RHPN2: variants seen among roughly 807,000 people sequenced by gnomAD.
RHPN2 encodes rhophilin-2.
In RHPN2, 40 loss-of-function variants were observed where a neutral mutation model predicts 79.0. That is an observed-to-expected ratio of 0.51 (90% confidence interval 0.39 to 0.66). The LOEUF is 0.66. Ranked by LOEUF, RHPN2 falls within the 30% of genes least tolerant of loss-of-function variation. The probability of loss-of-function intolerance (pLI) is 0.00; values close to 1 mark genes in which losing one functional copy is unlikely to be tolerated. For missense variants in RHPN2, 686 were observed against 883.5 expected (o/e 0.78, Z 2.83); for synonymous variants, 285 against 363.5 (o/e 0.78, Z 2.46).
chr19:33,061,122 T>TG (rs894722749), intron 1 of RHPN2, among the ~76,000 whole-genome samples: 83 of 151,884 alleles, frequency 5.5e-4, no homozygotes, highest in Non-Finnish European at 1.0e-3. Flanking sequence ...CTCCACACCC[T>TG]GGGGGGGCCT....
At chr19:33,031,457 C>T (rs767309947) in intron 2 of RHPN2, among the ~76,000 whole-genome samples, 2 of 152,050 alleles carry the variant, frequency 1.3e-5, no homozygotes, top group East Asian at 3.9e-4. Flanking sequence ...GTTGCCCAGT[C>T]CAGTCTCCAA....
intron 14 of RHPN2, among the ~76,000 whole-genome samples, chr19:32,990,168 C>CGAAAGAAA (rs1568309580): frequency 6.7e-6 from 1 of 150,082 alleles, no homozygotes; most frequent in African/African-American, 2.4e-5. Context: ...AAAGAAAGAG[C>CGAAAGAAA]GAGCCAGGGG....
intron 1 of RHPN2, among the ~76,000 whole-genome samples, chr19:33,046,509 C>T (rs1014312606): frequency 6.6e-6 from 1 of 151,920 alleles, no homozygotes; most frequent in Non-Finnish European, 1.5e-5. Flanking sequence ...TCAAGTGATC[C>T]GCTTGGCTTG....
chr19:33,018,594 C>G (rs1971896877), intron 4 of RHPN2, among the ~76,000 whole-genome samples: 1 of 152,134 alleles, frequency 6.6e-6, no homozygotes, highest in Non-Finnish European at 1.5e-5. Flanking sequence ...CTGAAACATT[C>G]AGAATACCAA....
At chr19:33,057,611 G>A (rs2145273363) in intron 1 of RHPN2, among the ~76,000 whole-genome samples, 1 of 151,756 alleles carries the variant, frequency 6.6e-6, no homozygotes, top group African/African-American at 2.4e-5. Flanking sequence ...AGGAGGCAGA[G>A]GCTGTGGTGA....
At chr19:33,060,290 T>C (rs781157275) in intron 1 of RHPN2, among the ~76,000 whole-genome samples, 1 of 151,988 alleles carries the variant, frequency 6.6e-6, no homozygotes, top group Non-Finnish European at 1.5e-5. Flanking sequence ...GGACCATAGC[T>C]GGGTGCCACC....
At chr19:33,050,283 C>T (rs1350063667) in intron 1 of RHPN2, among the ~76,000 whole-genome samples, 2 of 152,130 alleles carry the variant, frequency 1.3e-5, no homozygotes, top group East Asian at 1.9e-4. Context: ...ACAGATTTGG[C>T]GATGTCATCT....
chr19:33,059,683 C>T (rs7245404), intron 1 of RHPN2, among the ~76,000 whole-genome samples: 62,603 of 151,898 alleles, frequency 0.41, 16,329 homozygotes, highest in African/African-American at 0.73. Context: ...CTTTCTCCAG[C>T]AATATCTTCC....
chr19:33,021,338 C>T (rs1277824573), intron 4 of RHPN2, among the ~76,000 whole-genome samples: 1 of 152,162 alleles, frequency 6.6e-6, no homozygotes, highest in Non-Finnish European at 1.5e-5. Context: ...GCAAGGGATA[C>T]ATATTTTCTC....
chr19:33,022,117 A>G (rs1568318354), intron 3 of RHPN2, among the ~76,000 whole-genome samples: 1 of 148,598 alleles, frequency 6.7e-6, no homozygotes, highest in Non-Finnish European at 1.5e-5. Flanking sequence ...ATTTTTGTAT[A>G]TTTTTTTAGT....
chr19:32,989,978 G>A (rs796644189), intron 14 of RHPN2, among the ~76,000 whole-genome samples: 23 of 152,200 alleles, frequency 1.5e-4, no homozygotes, highest in East Asian at 7.7e-4. Flanking sequence ...GTTGGCAGGC[G>A]CCTGTAGTCC....
At chr19:33,012,235 T>C (rs1189879993) in intron 5 of RHPN2, among the ~76,000 whole-genome samples, 1 of 151,906 alleles carries the variant, frequency 6.6e-6, no homozygotes, top group East Asian at 1.9e-4. Context: ...AGAAACAGGG[T>C]TTTGCCATGT....
intron 4 of RHPN2, among the ~76,000 whole-genome samples, chr19:33,017,703 TAA>T (rs758409340): frequency 4.5e-4 from 44 of 98,110 alleles, no homozygotes; most frequent in Middle Eastern, 5.6e-3. Context: ...CCCCATCTCT[TAA>T]AAAAAAAAAA....
intron 4 of RHPN2, among the ~76,000 whole-genome samples, chr19:33,013,042 ATTG>A (rs373013066): frequency 1.3e-4 from 19 of 151,538 alleles, no homozygotes; most frequent in Admixed American, 2.6e-4. Context: ...TGTCTGGCTA[ATTG>A]TTGTATTTTT....
In RHPN2 at chr19:33,002,491, C is replaced by T. The variant is rs1254267018; in HGVS notation, c.949-88G>A. On this transcript the variant is annotated intron_variant, in intron 8 of 14. Transcript: ENST00000254260. ...CAGAGAAAGAGCCCTTTCTTCTTCC[C>T]ATGCAACAGCCCCTGCCAGGGGCTG... is the stretch of plus-strand genomic sequence containing the variant. 4.0e-6 allele frequency: 6 copies of T among 1,517,046 alleles called. No homozygotes were observed. In the Admixed American group the frequency reaches 1.0e-4, roughly 25 times the overall value. 94.0% of individuals were successfully genotyped at this position (1,517,046 alleles called of 1,614,324 possible). A position where few individuals can be genotyped will look rare whatever the true frequency, so the allele number is the denominator to read the frequency against.
intron 2 of RHPN2, among the ~76,000 whole-genome samples, chr19:33,038,178 C>CGG (rs1491208883): frequency 1.9e-4 from 29 of 151,880 alleles, no homozygotes; most frequent in African/African-American, 7.0e-4. Context: ...GGTGAACCCC[C>CGG]TCTCTATTAA....
rs556377568 is a variant in RHPN2 at position 32,995,249 on chromosome 19, T to A, written c.1420+777A>T. ...CACCACACCTGATGAATTTTTTTTT[T>A]AATTTTTTGTAGAGATGGGGTCTCA... On this transcript the variant is annotated intron_variant, in intron 11 of 14. Coordinates refer to ENST00000254260, the MANE Select transcript of RHPN2 (RefSeq NM_033103.5). Among the ~76,000 whole-genome samples the A allele has an allele frequency of 2.4e-3, 372 of 151,976 alleles. 2 individuals carry two copies. The highest frequency in any genetic ancestry group is 6.8e-3 in the African/African-American group (284 of 41,494).
Position 33,047,919 on chromosome 19 carries a change from A to G in RHPN2, c.70-3555T>C, listed in dbSNP as rs1972154944. Among the ~76,000 whole-genome samples, 3 of 152,126 alleles carry G rather than the reference A, an allele frequency of 2.0e-5. No homozygotes were observed. In the South Asian group the frequency reaches 6.2e-4, roughly 32 times the overall value. ...AGAGTGAGACTCTGTCTCTACAAAT[A>G]ATAATAAAAATTTTTAAATAATAAT... On this transcript the variant is annotated intron_variant, in intron 1 of 14. Transcript: ENST00000254260.
intron 3 of RHPN2, among the ~76,000 whole-genome samples, chr19:33,023,013 G>A (rs187825231): frequency 6.6e-6 from 1 of 152,136 alleles, no homozygotes; most frequent in East Asian, 1.9e-4. Flanking sequence ...CAATGACAGC[G>A]CCCTCTAGGT....
Sources: gnomAD v4.1 joint callset for allele counts (sites outside exome capture counted in the v4.1 genomes callset) on GRCh38, gnomAD v4.1.1 for gene constraint, MANE v1.5 for transcripts, NCBI Gene and HGNC (gene_info 2026-07-23, HGNC 2026-07-21) for gene names.